MET: variants seen among roughly 807,000 people sequenced by gnomAD.
MET encodes the protein hepatocyte growth factor receptor.
MET carries 48 observed loss-of-function variants against 133.1 expected under a neutral mutation model. That is an observed-to-expected ratio of 0.36 (90% CI 0.29 to 0.46). The LOEUF (loss-of-function observed/expected upper bound fraction) is 0.46. MET is among the 20% of genes least tolerant of loss of function. MET has a pLI of 1.00. For synonymous variants in MET, 628 were observed against 616.5 expected (o/e 1.02, Z -0.28); for missense variants, 1,442 against 1,695.9 (o/e 0.85, Z 2.63).
At chr7:116,702,659 T>C (rs1401629190) in intron 2 of MET, among the ~76,000 whole-genome samples, 1 of 152,186 alleles carries the variant, frequency 6.6e-6, no homozygotes, top group Non-Finnish European at 1.5e-5. Context: ...TCAAGTTTGG[T>C]GAAAAGACAC....
chr7:116,758,669 G>C (rs1291329266), intron 9 of MET, 49 bp downstream of exon 9: 4 of 1,580,594 alleles, frequency 2.5e-6, no homozygotes, highest in South Asian at 1.1e-5. Flanking sequence ...ATACAAGGAT[G>C]ATTTTGCTGT....
intron 1 of MET, among the ~76,000 whole-genome samples, chr7:116,685,832 G>A (rs1233896418): frequency 1.3e-5 from 2 of 152,092 alleles, no homozygotes; most frequent in African/African-American, 2.4e-5. Flanking sequence ...AAAATCCTTG[G>A]CATATTCTCC....
intron 5 of MET, among the ~76,000 whole-genome samples, chr7:116,751,213 A>G (rs1793907382): frequency 6.6e-6 from 1 of 152,236 alleles, no homozygotes. Flanking sequence ...AAAATGTGGC[A>G]CATATATGCC....
intron 1 of MET, among the ~76,000 whole-genome samples, chr7:116,674,435 T>A (rs1562869810): frequency 6.6e-6 from 1 of 152,264 alleles, no homozygotes; most frequent in East Asian, 1.9e-4. Context: ...TAAAAAAAAA[T>A]TGTCTTAATG....
In MET at chr7:116,757,615, T is replaced by C. The variant is rs200160046; in HGVS notation, c.1966-23T>C. The stretch of plus-strand genomic sequence containing the variant: ...ATTATAAGATGAACAAGTTACTTTG[T>C]TTTGTTTTTATCTCCCCTCCAGGAT... On this transcript the variant is annotated intron_variant, in intron 7 of 20. Coordinates refer to ENST00000397752, the MANE Select transcript of MET (RefSeq NM_000245.4). The C allele has an allele frequency of 1.3e-4, 211 of 1,613,804 alleles. No homozygotes were observed. The highest frequency in any genetic ancestry group is 1.7e-4 in the Non-Finnish European group (205 of 1,179,886).
In MET at chr7:116,692,710, T is replaced by C. The variant is rs199930636; in HGVS notation, c.-14-6361T>C. ...GTACTCCTAAATATCAATAGTTTAG[T>C]GGCCAAGGTGCCATTGAGATGATCA... is the stretch of plus-strand genomic sequence containing the variant. On this transcript the variant is annotated intron_variant, in intron 1 of 20. Coordinates refer to ENST00000397752, the MANE Select transcript of MET (RefSeq NM_000245.4). Among the ~76,000 whole-genome samples, 5 of 152,330 alleles carry C rather than the reference T, an allele frequency of 3.3e-5. No individual in the cohort carries two copies. The East Asian group carries it at 9.6e-4, about 29-fold the overall frequency.
chr7:116,767,666 A>G (rs540140668), intron 11 of MET, among the ~76,000 whole-genome samples: 3 of 152,006 alleles, frequency 2.0e-5, no homozygotes, highest in Non-Finnish European at 2.9e-5. Flanking sequence ...TTGTTGCTTT[A>G]TTTTTAAACC....
intron 11 of MET, among the ~76,000 whole-genome samples, 162 bp from the exon 12 acceptor site, chr7:116,769,483 C>T (rs979310895): frequency 6.6e-6 from 1 of 152,158 alleles, no homozygotes; most frequent in Non-Finnish European, 1.5e-5. Flanking sequence ...TCATGCTCCC[C>T]TTTAGCCATC....
intron 2 of MET, among the ~76,000 whole-genome samples, chr7:116,727,655 G>A (rs1584909735): frequency 6.6e-6 from 1 of 152,072 alleles, no homozygotes; most frequent in African/African-American, 2.4e-5. Flanking sequence ...CCTAAGACAC[G>A]ATAACTCCTG....
intron 1 of MET, among the ~76,000 whole-genome samples, chr7:116,696,283 T>A (rs947847297): frequency 2.0e-5 from 3 of 152,274 alleles, no homozygotes; most frequent in Non-Finnish European, 4.4e-5. Flanking sequence ...GACTTGAGCT[T>A]CCCAGGGAAG....
intron 2 of MET, among the ~76,000 whole-genome samples, chr7:116,721,891 A>G (rs969409897): frequency 6.6e-6 from 1 of 151,760 alleles, no homozygotes; most frequent in African/African-American, 2.4e-5. Flanking sequence ...TGCTGAGGAG[A>G]GCTTTACTTC....
chr7:116,775,127 C>A lies in MET; in HGVS notation c.3259+16C>A. On this transcript the variant is annotated intron_variant, in intron 15 of 20. Coordinates refer to ENST00000397752, the MANE Select transcript of MET (RefSeq NM_000245.4). ...ATAGGAAGAGGTAAGTATTTCCACTCAGCTTTTTGTTAAATACGATTTTCC... is the reference window on the plus strand; with the variant it reads ...ATAGGAAGAGGTAAGTATTTCCACTAAGCTTTTTGTTAAATACGATTTTCC... 6.2e-7 allele frequency: 1 copy of A among 1,611,242 alleles called. No homozygotes were observed. The highest frequency in any genetic ancestry group is 8.5e-7 in the Non-Finnish European group (1 of 1,177,370).
intron 1 of MET, among the ~76,000 whole-genome samples, chr7:116,693,418 G>C (rs528518989): frequency 1.3e-5 from 2 of 152,306 alleles, no homozygotes; most frequent in South Asian, 4.1e-4. Flanking sequence ...ATAGTAGGCT[G>C]TCATGAGCCA....
chr7:116,713,112 G>A (rs1268920478), intron 2 of MET, among the ~76,000 whole-genome samples: 1 of 152,168 alleles, frequency 6.6e-6, no homozygotes, highest in Non-Finnish European at 1.5e-5. Context: ...TTAAGGAAAA[G>A]AGGCCGGGCG....
intron 18 of MET, among the ~76,000 whole-genome samples, chr7:116,782,911 C>T (rs886176993): frequency 6.6e-6 from 1 of 152,202 alleles, no homozygotes; most frequent in Non-Finnish European, 1.5e-5. Context: ...GTCATGCTCT[C>T]CCATAAAACT....
chr7:116,753,626 G>T (rs1794014874), intron 5 of MET, among the ~76,000 whole-genome samples: 1 of 152,050 alleles, frequency 6.6e-6, no homozygotes, highest in South Asian at 2.1e-4. Context: ...CTAAAAATGA[G>T]ATATAAAACA....
chr7:116,698,232 T>C (rs1797035931), intron 1 of MET, among the ~76,000 whole-genome samples: 1 of 152,240 alleles, frequency 6.6e-6, no homozygotes, highest in African/African-American at 2.4e-5. Flanking sequence ...GGCCCATTCA[T>C]GTTTCCTCAT....
intron 16 of MET, among the ~76,000 whole-genome samples, chr7:116,777,890 C>T (rs1442064323): frequency 6.6e-6 from 1 of 152,098 alleles, no homozygotes; most frequent in Non-Finnish European, 1.5e-5. Flanking sequence ...TGAAATAAGA[C>T]AAACAGGAGA....
In MET at chr7:116,675,872, C is replaced by T. The variant is rs771311966; in HGVS notation, c.-15+3295C>T. ...CTGCTCCTGTTATCAGATTAAGAGC[C>T]GTGAATAATTTTGTAATCTATCCTT... On this transcript the variant is annotated intron_variant, in intron 1 of 20. Transcript: ENST00000397752. Among the ~76,000 whole-genome samples the T allele has an allele frequency of 6.3e-4, 96 of 151,300 alleles. 2 individuals carry two copies. The highest frequency in any genetic ancestry group is 2.1e-4 in the Non-Finnish European group (14 of 67,924).
Sources: gnomAD v4.1 joint callset for allele counts (sites outside exome capture counted in the v4.1 genomes callset) on GRCh38, gnomAD v4.1.1 for gene constraint, MANE v1.5 for transcripts, NCBI Gene and HGNC (gene_info 2026-07-23, HGNC 2026-07-21) for gene names.